The following NTM variants were observed in gnomAD, a reference collection of about 807,000 sequenced individuals.
The protein encoded by NTM is IgLON family member 2.
A neutral mutation model predicts 42.1 loss-of-function variants in NTM; 13 were observed. That is an observed-to-expected ratio of 0.31 (90% confidence interval 0.20 to 0.49). The LOEUF (loss-of-function observed/expected upper bound fraction) is 0.49. Ranked by LOEUF, NTM falls within the 20% of genes least tolerant of loss-of-function variation. The pLI is 0.99. For synonymous variants in NTM, 187 were observed against 179.2 expected (o/e 1.04, Z -0.35); for missense variants, 373 against 452.8 (o/e 0.82, Z 1.60).
intron 2 of NTM, among the ~76,000 whole-genome samples, chr11:132,065,859 C>T (rs1262180800): frequency 6.6e-6 from 1 of 152,214 alleles, no homozygotes; most frequent in African/African-American, 2.4e-5. Flanking sequence ...GGTACAGAAA[C>T]TTATCTGTGA....
intron 1 of NTM, among the ~76,000 whole-genome samples, chr11:131,536,312 A>C (rs377523): frequency 0.81 from 123,585 of 152,126 alleles, 50,950 homozygotes; most frequent in Non-Finnish European, 0.9. Context: ...GAGCAAACCA[A>C]TGGCACATGA....
chr11:132,071,347 T>A (rs1239614538), intron 2 of NTM, among the ~76,000 whole-genome samples: 885 of 68,152 alleles, frequency 0.013, no homozygotes, highest in Middle Eastern at 0.1. Flanking sequence ...AACACGTCAC[T>A]CAGCCAAGTT....
intron 1 of NTM, among the ~76,000 whole-genome samples, chr11:131,382,201 G>A (rs1399964453): frequency 6.6e-6 from 1 of 152,130 alleles, no homozygotes; most frequent in Non-Finnish European, 1.5e-5. Flanking sequence ...GTTGTACTTG[G>A]ATGGCCTGTG....
chr11:131,743,029 T>G (rs1344171747), intron 1 of NTM, among the ~76,000 whole-genome samples: 1 of 152,222 alleles, frequency 6.6e-6, no homozygotes, highest in Non-Finnish European at 1.5e-5. Flanking sequence ...TAGCTTTGTT[T>G]GATTGTTCAG....
intron 1 of NTM, among the ~76,000 whole-genome samples, chr11:131,760,155 T>A (rs898077369): frequency 1.3e-5 from 2 of 152,176 alleles, no homozygotes; most frequent in African/African-American, 4.8e-5. Flanking sequence ...CAAGGAGTTA[T>A]GAGAAGAAGC....
intron 1 of NTM, among the ~76,000 whole-genome samples, chr11:131,691,216 G>T (rs2074650092): frequency 6.6e-6 from 1 of 152,308 alleles, no homozygotes; most frequent in Middle Eastern, 3.4e-3. Flanking sequence ...CCCCCGCAGT[G>T]CCAGGGCGGT....
intron 1 of NTM, among the ~76,000 whole-genome samples, chr11:131,519,951 T>C (rs980257294): frequency 1.4e-5 from 2 of 145,088 alleles, no homozygotes; most frequent in Admixed American, 6.8e-5. Context: ...GGTTAGCACC[T>C]AAGAGGTGAA....
At chr11:131,815,846 C>T (rs540953616) in intron 1 of NTM, among the ~76,000 whole-genome samples, 19 of 152,236 alleles carry the variant, frequency 1.2e-4, no homozygotes, top group African/African-American at 4.3e-4. Context: ...TCCGGGTGGC[C>T]GCGGTGGGAG....
At chr11:131,917,595 A>C (rs140104922) in intron 2 of NTM, among the ~76,000 whole-genome samples, 1 of 152,204 alleles carries the variant, frequency 6.6e-6, no homozygotes, top group East Asian at 1.9e-4. Context: ...GGACACAGAA[A>C]AGCACTCTGC....
At chr11:131,800,614 T>A (rs1299204002) in intron 1 of NTM, among the ~76,000 whole-genome samples, 1 of 152,226 alleles carries the variant, frequency 6.6e-6, no homozygotes, top group Non-Finnish European at 1.5e-5. Flanking sequence ...ACTGGCTGCA[T>A]ACCTAACAGA....
At chr11:131,609,906 T>C (rs1015972235) in intron 1 of NTM, among the ~76,000 whole-genome samples, 1 of 152,218 alleles carries the variant, frequency 6.6e-6, no homozygotes, top group African/African-American at 2.4e-5. Flanking sequence ...TCAGGTTACC[T>C]GTTTTTCTTT....
At chr11:132,303,712 CAAAA>C (rs139688601) in intron 4 of NTM, among the ~76,000 whole-genome samples, 1,162 of 113,134 alleles carry the variant, frequency 0.01, 16 homozygotes, top group African/African-American at 0.035. Flanking sequence ...TTCTAGGTGA[CAAAA>C]AAAAAAAAAA....
chr11:131,712,272 T>C (rs1432035031), intron 1 of NTM, among the ~76,000 whole-genome samples: 1 of 151,806 alleles, frequency 6.6e-6, no homozygotes, highest in Non-Finnish European at 1.5e-5. Flanking sequence ...TAACCTTTGT[T>C]GTCTTTTCTC....
chr11:132,001,610 C>T (rs368173451), intron 2 of NTM, among the ~76,000 whole-genome samples: 2 of 152,018 alleles, frequency 1.3e-5, no homozygotes, highest in African/African-American at 4.8e-5. Context: ...AGGTACCATA[C>T]CCCAACAACA....
intron 7 of NTM, among the ~76,000 whole-genome samples, chr11:132,321,019 C>A (rs7950606): frequency 0.018 from 2,689 of 148,758 alleles, 101 homozygotes; most frequent in African/African-American, 0.065. Context: ...ACCAAAAACC[C>A]ATCTGTACAT....
At chr11:131,985,893 G>C (rs1283437227) in intron 2 of NTM, among the ~76,000 whole-genome samples, 1 of 152,186 alleles carries the variant, frequency 6.6e-6, no homozygotes, top group Non-Finnish European at 1.5e-5. Context: ...TCTGTCATCA[G>C]GACACAGCAC....
At chr11:131,403,833 G>T (rs894519278) in intron 1 of NTM, among the ~76,000 whole-genome samples, 2 of 152,016 alleles carry the variant, frequency 1.3e-5, no homozygotes, top group African/African-American at 4.8e-5. Flanking sequence ...CCTTTCATTT[G>T]TAGGGCCCGA....
chr11:131,898,200 T>C (rs1477056409), intron 1 of NTM, among the ~76,000 whole-genome samples: 2 of 152,208 alleles, frequency 1.3e-5, no homozygotes, highest in African/African-American at 4.8e-5. Flanking sequence ...TATTTTTGTT[T>C]GATAAATAAT....
At chr11:131,703,008 T>C (rs1218304599) in intron 1 of NTM, among the ~76,000 whole-genome samples, 2 of 152,208 alleles carry the variant, frequency 1.3e-5, no homozygotes, top group Non-Finnish European at 2.9e-5. Flanking sequence ...GTCATAATTG[T>C]TGTAGCAATC....
Sources: gnomAD v4.1 joint callset for allele counts (sites outside exome capture counted in the v4.1 genomes callset) on GRCh38, gnomAD v4.1.1 for gene constraint, MANE v1.5 for transcripts, NCBI Gene and HGNC (gene_info 2026-07-23, HGNC 2026-07-21) for gene names.